ZMYND11: variants seen among roughly 807,000 people sequenced by gnomAD.
ZMYND11 encodes zinc finger MYND-type containing 11.
A neutral mutation model predicts 84.9 loss-of-function variants in ZMYND11; 9 were observed. The ratio of observed to expected loss-of-function variants is 0.11; its 90% CI spans 0.06 to 0.18. ZMYND11 has a LOEUF of 0.18. ZMYND11 is among the 10% of genes least tolerant of loss of function. The pLI is 1.00. For synonymous variants in ZMYND11, 250 were observed against 244.1 expected (o/e 1.02, Z -0.23); for missense variants, 409 against 761.0 (o/e 0.54, Z 5.44).
intron 2 of ZMYND11, among the ~76,000 whole-genome samples, chr10:209,077 G>T (rs1944709104): frequency 6.6e-6 from 1 of 151,728 alleles, no homozygotes; most frequent in African/African-American, 2.4e-5. Context: ...CAGCGTTGAG[G>T]TTTGTTTGGA....
At chr10:145,172 A>ATGTGTATATATGTGTATATACATATGTG (rs1564259981) in intron 1 of ZMYND11, among the ~76,000 whole-genome samples, 8 of 150,552 alleles carry the variant, frequency 5.3e-5, no homozygotes, top group South Asian at 2.1e-4. Flanking sequence ...GTGTATATAT[A>ATGTGTATATATGTGTATATACATATGTG]TGTGTATATA....
chr10:180,597 C>T (rs1490166608), intron 2 of ZMYND11, among the ~76,000 whole-genome samples: 1 of 152,330 alleles, frequency 6.6e-6, no homozygotes, highest in East Asian at 1.9e-4. Flanking sequence ...GAGAGGGTTT[C>T]ACCATGTTGG....
chr10:198,387 TAAAA>T (rs977882546), intron 2 of ZMYND11, among the ~76,000 whole-genome samples: 7 of 152,222 alleles, frequency 4.6e-5, no homozygotes, highest in Middle Eastern at 3.4e-3. Flanking sequence ...AGAACATTTT[TAAAA>T]AAAAAGTATA....
At chr10:150,302 T>C (rs1417475049) in intron 1 of ZMYND11, among the ~76,000 whole-genome samples, 3 of 152,184 alleles carry the variant, frequency 2.0e-5, no homozygotes, top group African/African-American at 4.8e-5. Context: ...CTGTTATTGG[T>C]CTATTCAGGG....
rs1409517108 is a variant in ZMYND11 at position 209,927 on chromosome 10, C to T, written c.155C>T (p.Thr52Ile). 2 of 1,614,044 alleles carry T rather than the reference C, an allele frequency of 1.2e-6. No homozygotes were observed. Among genetic ancestry groups the T allele is most frequent in the Non-Finnish European group, 1.7e-6 (2 of 1,179,966 alleles). The stretch of plus-strand genomic sequence containing the variant: ...GTCCACGGTATGCACCCTAAAGAGA[C>T]CACCCGTCAGCTGAGCTTAGCTGTG... ...SRVHGMHPKE[T>I]TRQLSLAVKD... The change falls in exon 3 of 15, where the codon ACC becomes ATC. Residue 52 changes from threonine to isoleucine, a missense_variant. Transcript: ENST00000381604.
chr10:248,803 A>C, intron 13 of ZMYND11, 100 bp from the exon 14 acceptor site: 1 of 1,463,454 alleles, frequency 6.8e-7, no homozygotes, highest in Non-Finnish European at 9.1e-7. Context: ...TGAAGGGGAA[A>C]AAAGGTACCT....
At position 227,435 on chromosome 10, in the gene ZMYND11, C is replaced by T. The variant is rs148473924; in HGVS notation, c.438+6079C>T. Among the ~76,000 whole-genome samples, 24 of 152,278 alleles carry T rather than the reference C, an allele frequency of 1.6e-4. 2 individuals are homozygous for T. The East Asian group carries it at 4.6e-3, about 29-fold the overall frequency. On this transcript the variant is annotated intron_variant, in intron 4 of 14. Transcript: ENST00000381604. ...TTTTTAAAAACTCACCATTGGGAGT[C>T]CACCTGGAGCTTTATCAATTGGGTA...
At chr10:203,065 A>G (rs1588916910) in intron 2 of ZMYND11, among the ~76,000 whole-genome samples, 1 of 152,316 alleles carries the variant, frequency 6.6e-6, no homozygotes, top group South Asian at 2.1e-4. Context: ...ATTTATATTT[A>G]TCATTTTATA....
chr10:216,422 C>G (rs909752063), intron 3 of ZMYND11, among the ~76,000 whole-genome samples: 1 of 152,106 alleles, frequency 6.6e-6, no homozygotes, highest in Admixed American at 6.5e-5. Context: ...GCCCTTAGTG[C>G]AAAATTTGAT....
Position 248,368 on chromosome 10 carries a change from T to G in ZMYND11, c.1260T>G (p.Ser420=), listed in dbSNP as rs1952620187. The change falls in exon 13 of 15, where the codon TCT becomes TCG. Residue 420 remains serine (S), a synonymous_variant. Transcript: ENST00000381604. The part of the protein sequence containing the change: ...EPEPETEAVS[S]SQEIPTMPQP... ...AGCCTGAAACAGAAGCAGTAAGTTC[T>G]AGCCAGGAAATACCCACGATGCCTC... 1 of 1,614,052 alleles carries G rather than the reference T, an allele frequency of 6.2e-7. No homozygotes were observed. The highest frequency in any genetic ancestry group is 1.3e-5 in the African/African-American group (1 of 74,912).
intron 1 of ZMYND11, among the ~76,000 whole-genome samples, chr10:171,331 T>C (rs774815056): frequency 5.3e-5 from 8 of 152,288 alleles, no homozygotes; most frequent in East Asian, 1.9e-4. Flanking sequence ...ATAATTGACA[T>C]CTATAGATTA....
chr10:170,431 C>CAT (rs1554765357), intron 1 of ZMYND11, among the ~76,000 whole-genome samples: 17 of 147,712 alleles, frequency 1.2e-4, no homozygotes, highest in Non-Finnish European at 2.2e-4. Flanking sequence ...ATTATGTGTG[C>CAT]GTGTGTGTGT....
intron 1 of ZMYND11, among the ~76,000 whole-genome samples, chr10:176,863 G>T (rs1366583199): frequency 2.6e-5 from 4 of 152,126 alleles, no homozygotes; most frequent in African/African-American, 9.7e-5. Context: ...AGATGGAGGT[G>T]TGAAGTTTGG....
chr10:191,068 CTG>C (rs1940243650), intron 2 of ZMYND11, among the ~76,000 whole-genome samples: 1 of 152,064 alleles, frequency 6.6e-6, no homozygotes, highest in Non-Finnish European at 1.5e-5. Flanking sequence ...GCTGTGTAAA[CTG>C]TAGAAGTGGT....
intron 10 of ZMYND11, among the ~76,000 whole-genome samples, chr10:245,232 A>G (rs1951874886): frequency 6.6e-6 from 1 of 152,210 alleles, no homozygotes; most frequent in South Asian, 2.1e-4. Flanking sequence ...TATATTCATA[A>G]ATAATGTTAT....
At chr10:157,940 T>A (rs1842076561) in intron 1 of ZMYND11, among the ~76,000 whole-genome samples, 1 of 152,204 alleles carries the variant, frequency 6.6e-6, no homozygotes, top group East Asian at 1.9e-4. Context: ...TCTGGACGTT[T>A]CATGTAAATG....
At chr10:188,894 G>A (rs1209535438) in intron 2 of ZMYND11, among the ~76,000 whole-genome samples, 1 of 152,162 alleles carries the variant, frequency 6.6e-6, no homozygotes, top group Admixed American at 6.5e-5. Context: ...AGGGAGGTTG[G>A]CTTGTTAATT....
At position 139,071 on chromosome 10, in the gene ZMYND11, G is replaced by C. The variant is rs573314765; in HGVS notation, c.-20+3512G>C. Among the ~76,000 whole-genome samples the C allele has an allele frequency of 2.0e-5, 3 of 152,044 alleles. No homozygotes were observed. In the South Asian group the frequency reaches 6.3e-4, roughly 32 times the overall value. ...TCCGCCTGCCTTGGCTTCCCAAAGC[G>C]CTGGGACTATAGGCATGAGCCACTG... On this transcript the variant is annotated intron_variant, in intron 1 of 14. Transcript: ENST00000381604.
intron 10 of ZMYND11, among the ~76,000 whole-genome samples, 184 bp downstream of exon 10, chr10:242,323 A>G (rs1951151296): frequency 6.6e-6 from 1 of 152,226 alleles, no homozygotes; most frequent in Non-Finnish European, 1.5e-5. Context: ...ATTGTGTACT[A>G]AACAGGAATT....
Sources: allele counts gnomAD v4.1 joint callset (sites outside exome capture counted in the v4.1 genomes callset), GRCh38; gene constraint gnomAD v4.1.1; transcripts MANE v1.5; gene names NCBI Gene and HGNC (gene_info 2026-07-23, HGNC 2026-07-21).